Variants in CSMD1 observed in about 807,000 individuals in gnomAD.
CSMD1 encodes the protein CUB and sushi domain-containing protein 1.
In CSMD1, 213 loss-of-function variants were observed where a neutral mutation model predicts 417.5. The observed-to-expected ratio is 0.51, with a 90% CI of 0.46 to 0.57. The LOEUF is 0.57. Among genes scored for constraint, CSMD1 ranks in the 20% least tolerant of loss-of-function variants. The probability of loss-of-function intolerance (pLI) is 0.00; values close to 1 mark genes in which losing one functional copy is unlikely to be tolerated. For missense variants in CSMD1, 6,923 were observed against 4,529.7 expected, an observed-to-expected ratio of 1.53 and a Z score of -15.17; for synonymous variants, 2,862 against 1,736.8, an observed-to-expected ratio of 1.65 and a Z score of -16.11.
intron 2 of CSMD1, among the ~76,000 whole-genome samples, chr8:4,606,475 T>C (rs950946622): frequency 6.6e-6 from 1 of 152,156 alleles, no homozygotes; most frequent in African/African-American, 2.4e-5. Context: ...CATCATCCGA[T>C]GCCAAGCCCT....
At chr8:4,877,316 A>T (rs1803105004) in intron 1 of CSMD1, among the ~76,000 whole-genome samples, 1 of 152,060 alleles carries the variant, frequency 6.6e-6, no homozygotes, top group Admixed American at 6.6e-5. Flanking sequence ...GCATTTAAAA[A>T]TTTTACATTA....
chr8:3,085,403 C>A (rs554256620), intron 49 of CSMD1, among the ~76,000 whole-genome samples: 8 of 152,148 alleles, frequency 5.3e-5, no homozygotes, highest in African/African-American at 1.9e-4. Flanking sequence ...AGAACAAAGT[C>A]GTGTAAGTTA....
intron 2 of CSMD1, among the ~76,000 whole-genome samples, chr8:4,455,783 T>G (rs1168978917): frequency 6.6e-6 from 1 of 150,908 alleles, no homozygotes; most frequent in Admixed American, 6.6e-5. Flanking sequence ...ATACAAAAAT[T>G]CGCTGGATGT....
At chr8:3,121,441 C>G (rs74836107) in intron 41 of CSMD1, among the ~76,000 whole-genome samples, 8,429 of 152,232 alleles carry the variant, frequency 0.055, 353 homozygotes, top group Non-Finnish European at 0.085. Flanking sequence ...CTGGCATTGG[C>G]TCCCCCAGGG....
intron 10 of CSMD1, among the ~76,000 whole-genome samples, chr8:3,556,740 G>C (rs1323668572): frequency 6.6e-6 from 1 of 151,886 alleles, no homozygotes; most frequent in African/African-American, 2.4e-5. Context: ...CTCTCTCAAA[G>C]CTTTATTAGC....
chr8:3,709,688 T>TG (rs1563296592), intron 6 of CSMD1, among the ~76,000 whole-genome samples: 5 of 116,556 alleles, frequency 4.3e-5, no homozygotes, highest in African/African-American at 1.5e-4. Context: ...ATGTTTTTTT[T>TG]TTTTTTTTTT....
chr8:3,926,768 T>C (rs2627405), intron 5 of CSMD1, among the ~76,000 whole-genome samples: 4 of 144,166 alleles, frequency 2.8e-5, no homozygotes, highest in Admixed American at 2.1e-4. Flanking sequence ...CAGGGTGGAA[T>C]GCAGTGTCGT....
At chr8:3,525,346 T>C (rs1238421826) in intron 10 of CSMD1, among the ~76,000 whole-genome samples, 1 of 152,122 alleles carries the variant, frequency 6.6e-6, no homozygotes, top group African/African-American at 2.4e-5. Context: ...TCAAAAGCAC[T>C]CTGGGAGGCA....
At chr8:3,240,898 T>G (rs979175938) in intron 26 of CSMD1, among the ~76,000 whole-genome samples, 1 of 152,080 alleles carries the variant, frequency 6.6e-6, no homozygotes, top group African/African-American at 2.4e-5. Context: ...TAAGAGGTCA[T>G]GCTGTAGCAG....
At chr8:4,851,201 G>C (rs565734519) in intron 1 of CSMD1, among the ~76,000 whole-genome samples, 2 of 149,534 alleles carry the variant, frequency 1.3e-5, no homozygotes, top group African/African-American at 2.5e-5. Context: ...GCAGTGTTTG[G>C]ATTTTTGTCC....
At chr8:4,011,727 C>G (rs1014783537) in intron 4 of CSMD1, among the ~76,000 whole-genome samples, 1 of 152,124 alleles carries the variant, frequency 6.6e-6, no homozygotes, top group Non-Finnish European at 1.5e-5. Flanking sequence ...ACGGAGTTAT[C>G]AGCATACTTT....
At chr8:3,624,432 G>C (rs983651626) in intron 7 of CSMD1, among the ~76,000 whole-genome samples, 5 of 152,276 alleles carry the variant, frequency 3.3e-5, no homozygotes, top group East Asian at 1.9e-4. Context: ...CAATATAAGA[G>C]CCATTTAGAT....
intron 69 of CSMD1, among the ~76,000 whole-genome samples, chr8:2,941,936 T>C (rs956853870): frequency 6.6e-6 from 1 of 152,214 alleles, no homozygotes; most frequent in Non-Finnish European, 1.5e-5. Context: ...TTATTTCATC[T>C]TTCAATTGAA....
chr8:3,913,857 G>C (rs1386739505), intron 5 of CSMD1, among the ~76,000 whole-genome samples: 2 of 151,774 alleles, frequency 1.3e-5, no homozygotes, highest in Non-Finnish European at 2.9e-5. Context: ...ACTTTCCTGT[G>C]TGTGTATATA....
intron 39 of CSMD1, among the ~76,000 whole-genome samples, chr8:3,155,932 TC>T (rs1369788345): frequency 6.6e-6 from 1 of 152,184 alleles, no homozygotes; most frequent in African/African-American, 2.4e-5. Context: ...TTCACCTGCA[TC>T]CCATGCAAGG....
At chr8:4,447,955 C>A (rs1798911690) in intron 2 of CSMD1, among the ~76,000 whole-genome samples, 2 of 152,120 alleles carry the variant, frequency 1.3e-5, no homozygotes, top group Admixed American at 6.5e-5. Flanking sequence ...TTTTAAAAGA[C>A]AATGCTAATA....
intron 26 of CSMD1, among the ~76,000 whole-genome samples, chr8:3,268,117 G>A (rs181683027): frequency 6.6e-6 from 1 of 151,962 alleles, no homozygotes; most frequent in Admixed American, 6.6e-5. Context: ...GGAAGAGACG[G>A]GATATTTGTA....
At chr8:4,441,683 A>G (rs773350150) in intron 2 of CSMD1, among the ~76,000 whole-genome samples, 2 of 152,184 alleles carry the variant, frequency 1.3e-5, no homozygotes, top group Non-Finnish European at 2.9e-5. Flanking sequence ...ATTTACAGGT[A>G]TCTTTCAAAT....
intron 1 of CSMD1, among the ~76,000 whole-genome samples, chr8:4,724,363 A>G (rs545825451): frequency 6.6e-6 from 1 of 152,126 alleles, no homozygotes; most frequent in Non-Finnish European, 1.5e-5. Flanking sequence ...AAAATATAAT[A>G]AGATTTTCTA....
Sources: allele counts gnomAD v4.1 joint callset (sites outside exome capture counted in the v4.1 genomes callset), GRCh38; gene constraint gnomAD v4.1.1; transcripts MANE v1.5; gene names NCBI Gene and HGNC (gene_info 2026-07-23, HGNC 2026-07-21).